ZNF717: variants seen among roughly 807,000 people sequenced by gnomAD.
ZNF717 encodes the protein zinc finger protein 717, also known as krueppel-like factor X17.
In ZNF717, 9 loss-of-function variants were observed where a neutral mutation model predicts 13.8. The ratio of observed to expected loss-of-function variants is 0.65; its 90% CI spans 0.39 to 1.14. The LOEUF (loss-of-function observed/expected upper bound fraction) is 1.14, where lower values mean the gene tolerates loss of function less well. Among genes scored for constraint, ZNF717 ranks in the 50% most tolerant of loss-of-function variants. The probability of loss-of-function intolerance (pLI) is 0.01; values close to 1 mark genes in which losing one functional copy is unlikely to be tolerated. For synonymous variants in ZNF717, 327 were observed against 364.1 expected (o/e 0.90, Z 1.16); for missense variants, 1,040 against 1,080.7 (o/e 0.96, Z 0.53).
intron 2 of ZNF717, among the ~76,000 whole-genome samples, chr3:75,767,414 G>C (rs918942460): frequency 6.6e-6 from 1 of 152,262 alleles, no homozygotes; most frequent in African/African-American, 2.4e-5. Flanking sequence ...TTTGGGGATG[G>C]TTTCTTCAGA....
chr3:75,714,341 C>T (rs113377377), intron 5 of ZNF717, among the ~76,000 whole-genome samples: 602 of 151,698 alleles, frequency 4.0e-3, no homozygotes, highest in African/African-American at 0.013. Flanking sequence ...CAGATGCTGG[C>T]GTTACTGCTA....
At chr3:75,728,889 G>T (rs1232853524), downstream of ZNF717, among the ~76,000 whole-genome samples, 5 of 150,508 alleles carry the variant, frequency 3.3e-5, no homozygotes, top group South Asian at 2.1e-4. Flanking sequence ...ACAGGGAGGG[G>T]GAACAATCAG....
intron 2 of ZNF717, among the ~76,000 whole-genome samples, chr3:75,781,477 T>A (rs892125464): frequency 6.6e-6 from 1 of 152,188 alleles, no homozygotes; most frequent in Non-Finnish European, 1.5e-5. Context: ...TTAACAGAAC[T>A]AACACAGAAG....
chr3:75,707,254 A>G (rs1366938403), downstream of ZNF717, among the ~76,000 whole-genome samples: 21 of 151,956 alleles, frequency 1.4e-4, no homozygotes, highest in Non-Finnish European at 2.1e-4. Flanking sequence ...TCAACCCCTT[A>G]GCACCAAATT....
chr3:75,780,734 G>A (rs1333277667), intron 2 of ZNF717, among the ~76,000 whole-genome samples: 2 of 152,222 alleles, frequency 1.3e-5, no homozygotes, highest in Non-Finnish European at 2.9e-5. Context: ...ATTATGCGAG[G>A]CCATTGTTTT....
At position 75,737,205 on chromosome 3, in the gene ZNF717, T is replaced by A. The variant is rs1939397150; in HGVS notation, c.2418A>T (p.Arg806Ser). ...YDKTVLTIHQ[R>S]THTGEKPFEC... Reference sequence around the variant, plus strand: ...CAAATGGCTTCTCACCTGTGTGAGTTCTCTGATGTATGGTGAGAACTGTCT... The same window carrying A: ...CAAATGGCTTCTCACCTGTGTGAGTACTCTGATGTATGGTGAGAACTGTCT... The change falls in exon 5 of 5, where the codon AGA (arginine) becomes AGT (serine). Residue 806 changes from arginine (R) to serine (S), a missense_variant. Transcript: ENST00000652011. 1.3e-6 allele frequency: 2 copies of A among 1,554,420 alleles called. No individual in the cohort carries two copies. The highest frequency in any genetic ancestry group is 1.7e-4 in the Middle Eastern group (1 of 5,994).
Position 75,738,447 on chromosome 3 carries a change from T to C in ZNF717, c.1176A>G (p.Glu392=), listed in dbSNP as rs1307368886. ...CACATTCACTACACTGATAGGGCTT[T>C]TCCCCTGAGTGAGTTCTGTGATGTA... ...LTLHHRTHSG[E]KPYQCSECGK... is the part of the protein sequence containing the mutation. Residue 392 remains glutamate (E), a synonymous_variant, in exon 5 of 5, where the codon GAA becomes GAG. Coordinates refer to ENST00000652011, the MANE Select transcript of ZNF717 (RefSeq NM_001290208.3). The C allele has an allele frequency of 6.5e-6, 10 of 1,531,814 alleles. No individual in the cohort carries two copies. In the Admixed American group the frequency reaches 1.8e-4, roughly 28 times the overall value. 94.9% of individuals were successfully genotyped at this position (1,531,814 alleles called of 1,614,324 possible).
At chr3:75,772,018 C>T (rs1233373712) in intron 2 of ZNF717, among the ~76,000 whole-genome samples, 1 of 152,240 alleles carries the variant, frequency 6.6e-6, no homozygotes, top group Admixed American at 6.5e-5. Flanking sequence ...CCCCTCCAGA[C>T]TTTGGGCACT....
chr3:75,780,878 C>A (rs1298609697), intron 2 of ZNF717, among the ~76,000 whole-genome samples: 4 of 152,254 alleles, frequency 2.6e-5, no homozygotes, highest in African/African-American at 9.6e-5. Flanking sequence ...TTTTGTTTTT[C>A]TCCTGTAAAC....
intron 2 of ZNF717, among the ~76,000 whole-genome samples, chr3:75,772,587 T>C (rs1408607226): frequency 6.6e-6 from 1 of 152,196 alleles, no homozygotes; most frequent in Non-Finnish European, 1.5e-5. Flanking sequence ...CACAGGAAGC[T>C]GGCACCTGTG....
rs547398861 is a variant in ZNF717, at chr3:75,774,025, G to C, written c.57+9281C>G. Among the ~76,000 whole-genome samples the C allele has an allele frequency of 2.0e-5, 3 of 152,212 alleles. No homozygotes were observed. The South Asian group carries it at 6.2e-4, about 32-fold the overall frequency. On this transcript the variant is annotated intron_variant, in intron 2 of 4. Coordinates refer to ENST00000652011, the MANE Select transcript of ZNF717 (RefSeq NM_001290208.3). ...AGATCACACCATTGCACTCCAGCCT[G>C]GGCAACAAGAGGGAAAATCCATCTC...
At chr3:75,724,264 C>T (rs1176084302) in intron 4 of ZNF717, among the ~76,000 whole-genome samples, 1 of 151,808 alleles carries the variant, frequency 6.6e-6, no homozygotes, top group Non-Finnish European at 1.5e-5. Context: ...TGGTAGTGGT[C>T]CCCCGGGCCC....
Position 75,742,170 on chromosome 3 carries a change from T to TA in ZNF717, c.58-435dup, listed in dbSNP as rs1466451836. Among the ~76,000 whole-genome samples the TA allele has an allele frequency of 3.6e-4, 54 of 151,040 alleles. No individual in the cohort carries two copies. The East Asian group carries it at 9.0e-3, about 25-fold the overall frequency. ...CAAGACCCTGTCTCTACAAAAATAA[T>TA]AAAAAAATATAGGCATAATGCTGCA... On this transcript the variant is annotated intron_variant, in intron 2 of 4. Transcript: ENST00000652011.
chr3:75,718,300 G>T (rs1938097789), intron 4 of ZNF717, among the ~76,000 whole-genome samples: 1 of 152,112 alleles, frequency 6.6e-6, no homozygotes, highest in Admixed American at 6.6e-5. Flanking sequence ...CCAGCCATTG[G>T]ATGTGGGGCT....
intron 2 of ZNF717, among the ~76,000 whole-genome samples, chr3:75,759,460 A>G (rs1436622268): frequency 6.6e-6 from 1 of 152,084 alleles, no homozygotes; most frequent in Admixed American, 6.5e-5. Context: ...TATTTTTAGT[A>G]GATACGGCAT....
At chr3:75,739,394 C>T in intron 4 of ZNF717, 49 bp from the exon 5 acceptor site, 4 of 1,376,764 alleles carry the variant, frequency 2.9e-6, no homozygotes, top group African/African-American at 3.0e-5. Flanking sequence ...GCATGTCTTA[C>T]AGAATGCTTG....
chr3:75,782,508 C>A (rs1160230352), intron 2 of ZNF717, among the ~76,000 whole-genome samples: 2 of 152,204 alleles, frequency 1.3e-5, no homozygotes, highest in Non-Finnish European at 1.5e-5. Context: ...GCACAACAGG[C>A]CGTGCTTTAG....
downstream of ZNF717, chr3:75,729,859 G>A (rs1575728891): frequency 6.6e-6 from 1 of 152,194 alleles, no homozygotes; most frequent in African/African-American, 2.4e-5. Context: ...TAATGAGTTT[G>A]GAGTCCCAAG....
At chr3:75,775,041 A>G (rs1279680046) in intron 2 of ZNF717, among the ~76,000 whole-genome samples, 2 of 152,064 alleles carry the variant, frequency 1.3e-5, no homozygotes, top group African/African-American at 4.8e-5. Context: ...GGCTCACTGA[A>G]GCCTCCACCT....
Sources: gnomAD v4.1 joint callset for allele counts (sites outside exome capture counted in the v4.1 genomes callset) on GRCh38, gnomAD v4.1.1 for gene constraint, MANE v1.5 for transcripts, NCBI Gene and HGNC (gene_info 2026-07-23, HGNC 2026-07-21) for gene names.